MAP3K15: variants seen among roughly 807,000 people sequenced by gnomAD.
MAP3K15 encodes the protein MAPK/ERK kinase kinase 15.
MAP3K15 carries 124 observed loss-of-function variants against 99.5 expected under a neutral mutation model. The ratio of observed to expected loss-of-function variants is 1.25; its 90% CI spans 1.08 to 1.45. MAP3K15 has a LOEUF of 1.45. MAP3K15 is among the 40% of genes most tolerant of loss of function. The pLI is 0.00. For synonymous variants in MAP3K15, 494 were observed against 439.6 expected (o/e 1.12, Z -1.55); for missense variants, 1,242 against 1,079.7 (o/e 1.15, Z -2.11).
chrX:19,405,205 T>C (rs2063638804), intron 13 of MAP3K15, among the ~76,000 whole-genome samples: 1 of 111,455 alleles, frequency 9.0e-6, no homozygotes, highest in African/African-American at 3.3e-5. Context: ...AATAACCCAA[T>C]TATAAGTGGG....
chrX:19,415,098 A>G lies in MAP3K15; in HGVS notation c.1590+9T>C, dbSNP rs763389071. ...AATCTTAAAAAAAAATGGATTTAGCATATCTTACTGGAAATCTGAGTCCAT... is the reference window on the plus strand; with the variant it reads ...AATCTTAAAAAAAAATGGATTTAGCGTATCTTACTGGAAATCTGAGTCCAT... On this transcript the variant is annotated intron_variant, in intron 10 of 28. Coordinates refer to ENST00000338883, the MANE Select transcript of MAP3K15 (RefSeq NM_001001671.4). 8.8e-6 allele frequency: 10 copies of G among 1,139,662 alleles called. No individual in the cohort carries two copies. Among genetic ancestry groups the G allele is most frequent in the South Asian group, 2.1e-5 (1 of 48,333 alleles). 93.9% of individuals were successfully genotyped at this position (1,139,662 alleles called of 1,213,427 possible).
At chrX:19,367,373 G>C (rs1464320939) in intron 25 of MAP3K15, among the ~76,000 whole-genome samples, 1 of 100,048 alleles carries the variant, frequency 1.0e-5, no homozygotes, top group Non-Finnish European at 1.9e-5. Flanking sequence ...ATGGATACTA[G>C]GCTTAATGCC....
chrX:19,507,575 C>CAAA lies in MAP3K15; in HGVS notation c.361+7323_361+7325dup, dbSNP rs1165492097. Among the ~76,000 whole-genome samples, 47 of 10,891 alleles carry CAAA rather than the reference C, an allele frequency of 4.3e-3. 10 individuals carry two copies. Among genetic ancestry groups the CAAA allele is most frequent in the East Asian group, 9.7e-3 (2 of 207 alleles). 9.5% of individuals were successfully genotyped at this position (10,891 alleles called of 115,157 possible). A position where few individuals can be genotyped will look rare whatever the true frequency, so the allele number is the denominator to read the frequency against. On this transcript the variant is annotated intron_variant, in intron 1 of 28. Transcript: ENST00000338883. ...CCTGGGTGAGAGTGACACCTTGTCTCAAAAAAAAAAAAAAAAAAAAAAAAA... is the reference window on the plus strand; with the variant it reads ...CCTGGGTGAGAGTGACACCTTGTCTCAAAAAAAAAAAAAAAAAAAAAAAAAAAA...
At chrX:19,423,621 G>A (rs977457832) in intron 9 of MAP3K15, among the ~76,000 whole-genome samples, 5 of 111,857 alleles carry the variant, frequency 4.5e-5, no homozygotes, top group Admixed American at 2.9e-4. Context: ...GACTCCAACC[G>A]ACTTGCTTGG....
chrX:19,433,407 T>C (rs1410425169), intron 6 of MAP3K15, among the ~76,000 whole-genome samples: 2 of 111,255 alleles, frequency 1.8e-5, no homozygotes, highest in South Asian at 7.6e-4. Flanking sequence ...AGAGTGAATT[T>C]TCTTTTTTTG....
At chrX:19,461,572 A>T (rs1409203686) in intron 4 of MAP3K15, among the ~76,000 whole-genome samples, 3 of 112,141 alleles carry the variant, frequency 2.7e-5, no homozygotes, top group Admixed American at 9.5e-5. Flanking sequence ...AAATGACCTA[A>T]CTTGGTATAC....
At chrX:19,372,921 G>C (rs1411589998) in intron 21 of MAP3K15, 94 bp from the exon 22 acceptor site, 7 of 875,501 alleles carry the variant, frequency 8.0e-6, no homozygotes, top group Non-Finnish European at 1.1e-5. Flanking sequence ...GGGCTGAGAG[G>C]TAACTGCGAT....
intron 1 of MAP3K15, among the ~76,000 whole-genome samples, chrX:19,506,586 T>C (rs2064479044): frequency 9.0e-6 from 1 of 110,503 alleles, no homozygotes; most frequent in Non-Finnish European, 1.9e-5. Flanking sequence ...AGTAGCGCGA[T>C]CTTGGCCCAC....
rs140383712 is a variant in MAP3K15, at chrX:19,360,674, G to A, written c.*75C>T. 1,565 of 762,131 alleles carry A rather than the reference G, an allele frequency of 2.1e-3. 11 individuals carry two copies. In the African/African-American group the frequency reaches 0.028, roughly 14 times the overall value. 62.8% of individuals were successfully genotyped at this position (762,131 alleles called of 1,213,427 possible). A position where few individuals can be genotyped will look rare whatever the true frequency, so the allele number is the denominator to read the frequency against. The stretch of plus-strand genomic sequence containing the variant: ...TAAATATGTAAACACAGCGGAATTC[G>A]TGTATACACTAACAGAAGCTTTAAC... On this transcript the variant is annotated 3_prime_UTR_variant, in exon 29 of 29. Coordinates refer to ENST00000338883, the MANE Select transcript of MAP3K15 (RefSeq NM_001001671.4).
At chrX:19,450,608 C>T (rs1312349202) in intron 6 of MAP3K15, among the ~76,000 whole-genome samples, 2 of 108,838 alleles carry the variant, frequency 1.8e-5, no homozygotes, top group Admixed American at 9.7e-5. Flanking sequence ...GACTTGAAAA[C>T]GTGATTTTTT....
intron 15 of MAP3K15, among the ~76,000 whole-genome samples, 155 bp from the exon 16 acceptor site, chrX:19,395,363 G>A (rs955943322): frequency 9.0e-6 from 1 of 111,578 alleles, no homozygotes; most frequent in African/African-American, 3.3e-5. Context: ...CTTCCCATCT[G>A]TACAATAGAG....
At chrX:19,465,830 GGTGTGTGTGTGTGTGTGTGT>G (rs10589040) in intron 3 of MAP3K15, among the ~76,000 whole-genome samples, 4 of 94,006 alleles carry the variant, frequency 4.3e-5, no homozygotes, top group Non-Finnish European at 4.3e-5. Context: ...GGTGTGTAGG[GGTGTGTGTGTGTGTGTGTGT>G]GTGTGTGTGT....
chrX:19,397,129 C>T (rs1284605627), intron 15 of MAP3K15, among the ~76,000 whole-genome samples: 2 of 110,785 alleles, frequency 1.8e-5, no homozygotes. Flanking sequence ...GTCTTGAACT[C>T]TTGACCTCAA....
chrX:19,476,515 A>G (rs754806541), intron 3 of MAP3K15, among the ~76,000 whole-genome samples: 1 of 112,181 alleles, frequency 8.9e-6, no homozygotes, highest in South Asian at 3.7e-4. Flanking sequence ...AAAAAAGATA[A>G]GCTTTAGGCT....
chrX:19,499,993 T>C (rs1275089807), intron 1 of MAP3K15, among the ~76,000 whole-genome samples: 1 of 112,808 alleles, frequency 8.9e-6, no homozygotes, highest in Non-Finnish European at 1.9e-5. Context: ...ACGCCTGAAA[T>C]CCAAGCACTT....
intron 13 of MAP3K15, among the ~76,000 whole-genome samples, chrX:19,403,730 G>A (rs1383437158): frequency 9.1e-6 from 1 of 109,452 alleles, no homozygotes; most frequent in Admixed American, 9.9e-5. Flanking sequence ...GCCTCCCAAA[G>A]TGCTAGGATT....
At chrX:19,474,572 G>GA (rs1231816104) in intron 3 of MAP3K15, among the ~76,000 whole-genome samples, 1 of 100,072 alleles carries the variant, frequency 1.0e-5, no homozygotes, top group Non-Finnish European at 2.0e-5. Context: ...ACTTGAAAGA[G>GA]AAAAAAATTA....
chrX:19,405,509 C>T (rs1215933067), intron 13 of MAP3K15, among the ~76,000 whole-genome samples: 3 of 112,262 alleles, frequency 2.7e-5, no homozygotes, highest in African/African-American at 6.5e-5. Context: ...ACTATGCAGA[C>T]GTGACAACTC....
chrX:19,464,171 T>A, intron 4 of MAP3K15, 42 bp downstream of exon 4: 4 of 1,088,208 alleles, frequency 3.7e-6, no homozygotes, highest in Non-Finnish European at 5.0e-6. Context: ...TGGGGACATC[T>A]TGGTGAGTCT....
Sources: gnomAD v4.1 joint callset for allele counts (sites outside exome capture counted in the v4.1 genomes callset) on GRCh38, gnomAD v4.1.1 for gene constraint, MANE v1.5 for transcripts, NCBI Gene and HGNC (gene_info 2026-07-23, HGNC 2026-07-21) for gene names.